Variants in SLC8A1 observed in about 807,000 individuals in gnomAD.
SLC8A1 encodes sodium/calcium exchanger 1.
Under a neutral mutation model 68.3 loss-of-function variants are expected in SLC8A1, and 18 were observed. That is an observed-to-expected ratio of 0.26 (90% CI 0.18 to 0.39). The LOEUF (loss-of-function observed/expected upper bound fraction) is 0.39, where lower values mean the gene tolerates loss of function less well. SLC8A1 is among the 10% of genes least tolerant of loss of function. The pLI, the probability that SLC8A1 is intolerant of heterozygous loss-of-function variation, is 1.00. For missense variants in SLC8A1, 985 were observed against 1,156.7 expected, an observed-to-expected ratio of 0.85 and a Z score of 2.15; for synonymous variants, 475 against 415.5, an observed-to-expected ratio of 1.14 and a Z score of -1.74.
At chr2:40,296,681 G>A (rs2070448173) in intron 2 of SLC8A1, among the ~76,000 whole-genome samples, 1 of 151,984 alleles carries the variant, frequency 6.6e-6, no homozygotes, top group Non-Finnish European at 1.5e-5. Context: ...TATATTAGTT[G>A]TCATGCTATA....
exon 8 of SLC8A1, chr2:40,113,814 C>G (rs5547): frequency 0.018 from 2,801 of 152,780 alleles, 33 homozygotes; most frequent in Non-Finnish European, 0.027. Flanking sequence ...CCTTGGCCTT[C>G]CTGAATTAAT....
At chr2:40,279,260 G>A (rs1216250157) in intron 2 of SLC8A1, among the ~76,000 whole-genome samples, 2 of 152,100 alleles carry the variant, frequency 1.3e-5, no homozygotes, top group Non-Finnish European at 2.9e-5. Context: ...GCAATTTTCT[G>A]GCTCCCTTAT....
At chr2:40,445,349 G>A (rs141011411) in intron 1 of SLC8A1, among the ~76,000 whole-genome samples, 4 of 152,222 alleles carry the variant, frequency 2.6e-5, no homozygotes, top group African/African-American at 4.8e-5. Context: ...ATGAAAAGTC[G>A]TAGTTCCCTT....
At position 40,171,861 on chromosome 2, in the gene SLC8A1, G is replaced by A. The variant is rs540803469; in HGVS notation, c.1930+2964C>T. ...TAGGCCCAAACAAGGGCCTTTCAAT[G>A]AGGCAAGGTCTGGGAACAATAGGTA... On this transcript the variant is annotated intron_variant, in intron 4 of 7. Transcript: ENST00000406785. Among the ~76,000 whole-genome samples, 10 of 152,334 alleles carry A rather than the reference G, an allele frequency of 6.6e-5. No individual in the cohort carries two copies. The South Asian group carries it at 1.9e-3, about 28-fold the overall frequency.
At chr2:40,466,325 A>C (rs989013880) in intron 1 of SLC8A1, among the ~76,000 whole-genome samples, 2 of 152,144 alleles carry the variant, frequency 1.3e-5, no homozygotes, top group Non-Finnish European at 2.9e-5. Context: ...TTCAATCAAA[A>C]GCGATGGAAA....
intron 2 of SLC8A1, among the ~76,000 whole-genome samples, chr2:40,240,806 A>C (rs1289560993): frequency 1.3e-5 from 2 of 152,206 alleles, no homozygotes; most frequent in Non-Finnish European, 2.9e-5. Flanking sequence ...TGAACCTAGG[A>C]GTTCAAGGCT....
intron 2 of SLC8A1, among the ~76,000 whole-genome samples, chr2:40,316,218 C>A (rs543777925): frequency 1.3e-5 from 2 of 152,116 alleles, no homozygotes; most frequent in East Asian, 3.9e-4. Flanking sequence ...ACACTGATAT[C>A]ATTCTGGACT....
exon 8 of SLC8A1, chr2:40,102,157 G>A (rs572389573): frequency 1.3e-5 from 2 of 152,206 alleles, no homozygotes; most frequent in South Asian, 4.1e-4. Context: ...AAACCTATAA[G>A]TAAAATATGA....
intron 7 of SLC8A1, among the ~76,000 whole-genome samples, chr2:40,138,972 C>G (rs192898892): frequency 6.6e-6 from 1 of 152,284 alleles, no homozygotes; most frequent in East Asian, 1.9e-4. Context: ...CCAGTAAGTA[C>G]GTTTTCCTAG....
chr2:40,380,781 T>TA lies in SLC8A1; in HGVS notation c.1808+47691dup, dbSNP rs1328201742. ...CTTTTCACAAAGGAAAAGGAGAAAATACTTACTAACCTGGCTACAGCTAGA... is the reference window on the plus strand; with the variant it reads ...CTTTTCACAAAGGAAAAGGAGAAAATAACTTACTAACCTGGCTACAGCTAGA... On this transcript the variant is annotated intron_variant, in intron 2 of 7. Coordinates refer to ENST00000406785, the Ensembl canonical transcript of SLC8A1. Among the ~76,000 whole-genome samples, 5 of 152,044 alleles carry TA rather than the reference T, an allele frequency of 3.3e-5. No individual in the cohort carries two copies. The South Asian group carries it at 1.0e-3, about 32-fold the overall frequency.
intron 2 of SLC8A1, among the ~76,000 whole-genome samples, chr2:40,320,788 T>C (rs1158506819): frequency 6.6e-6 from 1 of 152,158 alleles, no homozygotes; most frequent in Non-Finnish European, 1.5e-5. Context: ...AAAAGAACAA[T>C]TTATGAACTC....
chr2:40,428,188 CCAT>C (rs1259368766), intron 2 of SLC8A1, among the ~76,000 whole-genome samples: 3 of 151,770 alleles, frequency 2.0e-5, no homozygotes, highest in African/African-American at 7.3e-5. Context: ...AAACTGTGTC[CCAT>C]CACTCATTTT....
intron 6 of SLC8A1, 98 bp from the exon 10 acceptor site, chr2:40,139,774 C>T: frequency 7.9e-7 from 1 of 1,260,190 alleles, no homozygotes; most frequent in East Asian, 2.3e-5. Context: ...TCCCTCCACT[C>T]TGTGACAGGA....
chr2:40,200,652 C>A (rs1386056089), intron 2 of SLC8A1, among the ~76,000 whole-genome samples: 1 of 151,694 alleles, frequency 6.6e-6, no homozygotes, highest in East Asian at 2.0e-4. Flanking sequence ...AAAATGCCAA[C>A]AAGCAGTCAT....
At chr2:40,167,044 T>A (rs983590147) in intron 4 of SLC8A1, among the ~76,000 whole-genome samples, 3 of 152,212 alleles carry the variant, frequency 2.0e-5, no homozygotes, top group African/African-American at 7.2e-5. Flanking sequence ...ACAAAGCTGA[T>A]GTGGTAGCAT....
rs538144078 is a variant in SLC8A1, at chr2:40,305,469, G to C, written c.1808+123004C>G. On this transcript the variant is annotated intron_variant, in intron 2 of 7. Coordinates refer to ENST00000406785, the Ensembl canonical transcript of SLC8A1. Reference sequence around the variant, plus strand: ...TAGTTAAGAATCACCGGTATAGGGAGGGAGACAAATATATAAATTAATAAC... The same window carrying C: ...TAGTTAAGAATCACCGGTATAGGGACGGAGACAAATATATAAATTAATAAC... Among the ~76,000 whole-genome samples the C allele has an allele frequency of 9.9e-4, 150 of 152,278 alleles. 1 individual carries two copies. Among genetic ancestry groups the C allele is most frequent in the Admixed American group, 3.4e-3 (52 of 15,288 alleles).
chr2:40,266,537 T>C (rs2149116334), intron 2 of SLC8A1, among the ~76,000 whole-genome samples: 1 of 152,268 alleles, frequency 6.6e-6, no homozygotes, highest in East Asian at 1.9e-4. Flanking sequence ...ACTAGAATGT[T>C]AGAGGGCTGT....
At chr2:40,260,464 G>T (rs1198974221) in intron 2 of SLC8A1, among the ~76,000 whole-genome samples, 1 of 152,088 alleles carries the variant, frequency 6.6e-6, no homozygotes, top group Admixed American at 6.6e-5. Context: ...GACTTAGGCT[G>T]ATCAGAAACA....
At chr2:40,281,800 C>G (rs771574998) in intron 2 of SLC8A1, among the ~76,000 whole-genome samples, 2 of 152,168 alleles carry the variant, frequency 1.3e-5, no homozygotes, top group Non-Finnish European at 2.9e-5. Context: ...TTCTGTAAGC[C>G]GGAATCAGCT....
Sources: allele counts gnomAD v4.1 joint callset (sites outside exome capture counted in the v4.1 genomes callset), GRCh38; gene constraint gnomAD v4.1.1; transcripts MANE v1.5; gene names NCBI Gene and HGNC (gene_info 2026-07-23, HGNC 2026-07-21).